The following PRRC1 variants were observed in gnomAD, a reference collection of about 807,000 sequenced individuals.
PRRC1 encodes proline rich coiled-coil 1.
Under a neutral mutation model 40.7 loss-of-function variants are expected in PRRC1, and 39 were observed. The ratio of observed to expected loss-of-function variants is 0.96; its 90% CI spans 0.74 to 1.25. The LOEUF (loss-of-function observed/expected upper bound fraction) is 1.25, where lower values mean the gene tolerates loss of function less well. PRRC1 is among the 50% of genes most tolerant of loss of function. PRRC1 has a pLI of 0.00. For missense variants in PRRC1, 573 were observed against 548.3 expected (o/e 1.05, Z -0.45); for synonymous variants, 175 against 193.3 (o/e 0.91, Z 0.79).
intron 5 of PRRC1, among the ~76,000 whole-genome samples, chr5:127,531,617 C>CTTTTTTTTTTTTTTTTTTTTTTTT (rs60179366): frequency 1.0e-5 from 1 of 99,680 alleles, no homozygotes; most frequent in African/African-American, 4.6e-5. Flanking sequence ...TCTTCTTCTT[C>CTTTTTTTTTTTTTTTTTTTTTTTT]TTTTTTTTTT....
chr5:127,552,083 G>C lies in PRRC1; in HGVS notation c.*167G>C, dbSNP rs954598712. On this transcript the variant is annotated 3_prime_UTR_variant, in exon 9 of 9. Transcript: ENST00000296666. ...CTAGAAAGGCATCATGTCATTCCAG[G>C]AGACAAAAAGAAACAAATCCTTTTT... 1.4e-6 allele frequency: 2 copies of C among 1,422,004 alleles called. No individual in the cohort carries two copies. Among genetic ancestry groups the C allele is most frequent in the African/African-American group, 2.9e-5 (2 of 69,324 alleles). 88.1% of individuals were successfully genotyped at this position (1,422,004 alleles called of 1,614,324 possible).
In PRRC1 at chr5:127,534,885, T is replaced by C. The variant is rs537068680; in HGVS notation, c.921+1099T>C. On this transcript the variant is annotated intron_variant, in intron 6 of 8. Coordinates refer to ENST00000296666, the MANE Select transcript of PRRC1 (RefSeq NM_130809.5). ...TTGCTCCCTCTAGCCTTCTTCACCT[T>C]AATTGATGGCAGTTCTAGCCTTCCG... Among the ~76,000 whole-genome samples the C allele has an allele frequency of 2.0e-5, 3 of 152,354 alleles. No homozygotes were observed. The South Asian group carries it at 6.2e-4, about 32-fold the overall frequency.
In PRRC1 at chr5:127,553,483, T is replaced by C; in HGVS notation, c.*1567T>C. The C allele has an allele frequency of 9.0e-7, 1 of 1,108,866 alleles. No homozygotes were observed. Among genetic ancestry groups the C allele is most frequent in the Non-Finnish European group, 1.1e-6 (1 of 895,362 alleles). 68.7% of individuals were successfully genotyped at this position (1,108,866 alleles called of 1,614,324 possible). A position where few individuals can be genotyped will look rare whatever the true frequency, so the allele number is the denominator to read the frequency against. ...CAGGAGTAACAGGGACAGAATACTT[T>C]CTTTCTTTCCTTCAAGTACAAGAAG... On this transcript the variant is annotated 3_prime_UTR_variant, in exon 9 of 9. Transcript: ENST00000296666.
chr5:127,553,015 C>G lies in PRRC1; in HGVS notation c.*1099C>G, dbSNP rs1424454824. The G allele has an allele frequency of 1.3e-6, 1 of 741,490 alleles. No individual in the cohort carries two copies. Among genetic ancestry groups the G allele is most frequent in the Non-Finnish European group, 1.6e-6 (1 of 608,470 alleles). 45.9% of individuals were successfully genotyped at this position (741,490 alleles called of 1,614,324 possible). A position where few individuals can be genotyped will look rare whatever the true frequency, so the allele number is the denominator to read the frequency against. On this transcript the variant is annotated 3_prime_UTR_variant, in exon 9 of 9. Coordinates refer to ENST00000296666, the MANE Select transcript of PRRC1 (RefSeq NM_130809.5). ...AATAATATATTATATCATTTTTGGA[C>G]TTATATAAATGATAATTAAATAAAT...
chr5:127,541,431 A>G (rs1316378446), intron 7 of PRRC1, among the ~76,000 whole-genome samples: 5 of 152,006 alleles, frequency 3.3e-5, no homozygotes, highest in Non-Finnish European at 5.9e-5. Flanking sequence ...ATTGATTGGA[A>G]TAGTTTCAGA....
In PRRC1 at chr5:127,553,606, C is replaced by G. The variant is rs1768448796; in HGVS notation, c.*1690C>G. 2.3e-5 allele frequency: 31 copies of G among 1,353,000 alleles called. No individual in the cohort carries two copies. The East Asian group carries it at 9.2e-4, about 40-fold the overall frequency. The allele number at this position is 1,353,000 out of a possible 1,614,324, so 83.8% of individuals were successfully genotyped here. A position where few individuals can be genotyped will look rare whatever the true frequency, so the allele number is the denominator to read the frequency against. On this transcript the variant is annotated 3_prime_UTR_variant, in exon 9 of 9. Transcript: ENST00000296666. ...TGGCATGATGACAACAACAGTCTTTCATTACAGACTGAAGGGAAGCATGTC... is the reference window on the plus strand; with the variant it reads ...TGGCATGATGACAACAACAGTCTTTGATTACAGACTGAAGGGAAGCATGTC...
rs559958277 is a variant in PRRC1, at chr5:127,534,858, A to G, written c.921+1072A>G. Among the ~76,000 whole-genome samples, 3 of 152,068 alleles carry G rather than the reference A, an allele frequency of 2.0e-5. No individual in the cohort carries two copies. The South Asian group carries it at 6.2e-4, about 32-fold the overall frequency. Reference sequence around the variant, plus strand: ...CTAGAACTAAACTTCTTTCCTCCACACTTGCTCCCTCTAGCCTTCTTCACC... The same window carrying G: ...CTAGAACTAAACTTCTTTCCTCCACGCTTGCTCCCTCTAGCCTTCTTCACC... On this transcript the variant is annotated intron_variant, in intron 6 of 8. Transcript: ENST00000296666.
At position 127,554,009 on chromosome 5, in the gene PRRC1, G is replaced by A. The variant is rs772621603; in HGVS notation, c.*2093G>A. 12 of 1,157,314 alleles carry A rather than the reference G, an allele frequency of 1.0e-5. No individual in the cohort carries two copies. The highest frequency in any genetic ancestry group is 1.6e-5 in the African/African-American group (1 of 63,724). The allele number at this position is 1,157,314 out of a possible 1,614,324, so 71.7% of individuals were successfully genotyped here. On this transcript the variant is annotated 3_prime_UTR_variant, in exon 9 of 9. Transcript: ENST00000296666. ...CTTGGCCCAGAGTTTTTGAAAAGCA[G>A]CGGAGCATGACTGACTTCACATGCT...
chr5:127,544,316 C>T (rs964932806), intron 7 of PRRC1, among the ~76,000 whole-genome samples: 6 of 152,088 alleles, frequency 3.9e-5, no homozygotes, highest in East Asian at 1.9e-4. Context: ...TTAGGCTGCT[C>T]GGGGGTCAGG....
In PRRC1 at chr5:127,553,353, C is replaced by G. The variant is rs1387983051; in HGVS notation, c.*1437C>G. 4 of 988,076 alleles carry G rather than the reference C, an allele frequency of 4.0e-6. No homozygotes were observed. In the African/African-American group the frequency reaches 7.0e-5, roughly 17 times the overall value. 61.2% of individuals were successfully genotyped at this position (988,076 alleles called of 1,614,324 possible). On this transcript the variant is annotated 3_prime_UTR_variant, in exon 9 of 9. Transcript: ENST00000296666. ...TGAATATTAAATATATGTTACTTTC[C>G]AAGCACTGTATAATGACTGTTCAGT...
At chr5:127,529,238 A>T (rs1767702238) in intron 4 of PRRC1, among the ~76,000 whole-genome samples, 1 of 151,638 alleles carries the variant, frequency 6.6e-6, no homozygotes, top group Admixed American at 6.6e-5. Context: ...TTATTATTAT[A>T]TTAAAGATTT....
intron 3 of PRRC1, 99 bp downstream of exon 3, chr5:127,525,019 A>C: frequency 8.5e-7 from 1 of 1,174,432 alleles, no homozygotes; most frequent in Non-Finnish European, 1.2e-6. Context: ...TGTACTCTAC[A>C]ATTCACCCAA....
At chr5:127,539,802 T>G (rs1426584091) in intron 7 of PRRC1, among the ~76,000 whole-genome samples, 1 of 152,106 alleles carries the variant, frequency 6.6e-6, no homozygotes, top group Non-Finnish European at 1.5e-5. Context: ...ATCCTCCAAC[T>G]TTGAGGCATA....
intron 5 of PRRC1, among the ~76,000 whole-genome samples, chr5:127,531,551 G>C (rs1767769028): frequency 6.6e-6 from 1 of 151,348 alleles, no homozygotes; most frequent in African/African-American, 2.4e-5. Flanking sequence ...GACTATGAAA[G>C]CAATTACCTT....
At chr5:127,541,057 A>T (rs12719370) in intron 7 of PRRC1, among the ~76,000 whole-genome samples, 3,908 of 152,208 alleles carry the variant, frequency 0.026, 163 homozygotes, top group African/African-American at 0.089. Context: ...ATCAGTACCT[A>T]ATTTATTGAA....
chr5:127,553,587 G>A lies in PRRC1; in HGVS notation c.*1671G>A. The A allele has an allele frequency of 7.6e-7, 1 of 1,309,060 alleles. No individual in the cohort carries two copies. The highest frequency in any genetic ancestry group is 9.7e-7 in the Non-Finnish European group (1 of 1,026,738). The allele number at this position is 1,309,060 out of a possible 1,614,324, so 81.1% of individuals were successfully genotyped here. On this transcript the variant is annotated 3_prime_UTR_variant, in exon 9 of 9. Coordinates refer to ENST00000296666, the MANE Select transcript of PRRC1 (RefSeq NM_130809.5). ...TAGTATTTTATCATGGCAATGGCAT[G>A]ATGACAACAACAGTCTTTCATTACA...
intron 8 of PRRC1, 186 bp from the exon 9 acceptor site, chr5:127,551,521 T>TC (rs1231799179): frequency 4.8e-6 from 3 of 619,194 alleles, no homozygotes; most frequent in Non-Finnish European, 8.4e-6. Flanking sequence ...AATAGATGTG[T>TC]GTAATGTTAC....
In PRRC1 at chr5:127,552,178, T is replaced by A. The variant is rs1478437446; in HGVS notation, c.*262T>A. ...ATACAAATCTATTTACAGCACAATT[T>A]AATATACCAGATTTATAAGGTGGAA... is the stretch of plus-strand genomic sequence containing the variant. On this transcript the variant is annotated 3_prime_UTR_variant, in exon 9 of 9. Transcript: ENST00000296666. The A allele has an allele frequency of 1.6e-6, 2 of 1,213,336 alleles. No homozygotes were observed. The highest frequency in any genetic ancestry group is 3.1e-5 in the African/African-American group (2 of 65,178). 75.2% of individuals were successfully genotyped at this position (1,213,336 alleles called of 1,614,324 possible). A position where few individuals can be genotyped will look rare whatever the true frequency, so the allele number is the denominator to read the frequency against.
In PRRC1 at chr5:127,524,886, C is replaced by G; in HGVS notation, c.459C>G (p.Pro153=). Residue 153 remains proline, a synonymous_variant, in exon 3 of 9, where the codon CCC becomes CCG. Coordinates refer to ENST00000296666, the MANE Select transcript of PRRC1 (RefSeq NM_130809.5). The part of the protein sequence containing the change: ...RGHAGRAPQT[P]LMPSFSAPSG... ...ATGCTGGGAGAGCTCCCCAGACACC[C>G]CTGATGCCATCATTTTCTGCACCTT... is the stretch of plus-strand genomic sequence containing the variant. 4 of 1,609,396 alleles carry G rather than the reference C, an allele frequency of 2.5e-6. No homozygotes were observed. The highest frequency in any genetic ancestry group is 1.3e-5 in the African/African-American group (1 of 74,896).
Sources: allele counts gnomAD v4.1 joint callset (sites outside exome capture counted in the v4.1 genomes callset), GRCh38; gene constraint gnomAD v4.1.1; transcripts MANE v1.5; gene names NCBI Gene and HGNC (gene_info 2026-07-23, HGNC 2026-07-21).